Variants in MYO16 observed in about 807,000 individuals in gnomAD.
The protein encoded by MYO16 is unconventional myosin-XVI.
In MYO16, 94 loss-of-function variants were observed where a neutral mutation model predicts 205.3. That is an observed-to-expected ratio of 0.46 (90% CI 0.39 to 0.54). The LOEUF is 0.54. Among genes scored for constraint, MYO16 ranks in the 20% least tolerant of loss-of-function variants. The probability of loss-of-function intolerance (pLI) is 0.00; values close to 1 mark genes in which losing one functional copy is unlikely to be tolerated. For missense variants in MYO16, 2,315 were observed against 2,387.5 expected, an observed-to-expected ratio of 0.97 and a Z score of 0.63; for synonymous variants, 988 against 954.0, an observed-to-expected ratio of 1.04 and a Z score of -0.66.
In MYO16 at chr13:108,841,216, A is replaced by G. The variant is rs543863434; in HGVS notation, c.1098-3127A>G. Among the ~76,000 whole-genome samples the G allele has an allele frequency of 3.3e-5, 5 of 152,354 alleles. No homozygotes were observed. In the South Asian group the frequency reaches 1.0e-3, roughly 32 times the overall value. ...ATGATTACATCAATGAATGATAATG[A>G]ATGATTATATCAATGAAACACACTA... On this transcript the variant is annotated intron_variant, in intron 9 of 34. Coordinates refer to ENST00000457511, the MANE Select transcript of MYO16 (RefSeq NM_001198950.3).
intron 9 of MYO16, among the ~76,000 whole-genome samples, chr13:108,828,477 G>C (rs766929037): frequency 6.6e-6 from 1 of 152,004 alleles, no homozygotes; most frequent in Non-Finnish European, 1.5e-5. Flanking sequence ...GTGTTGTTTT[G>C]TAAAGAATCT....
intron 1 of MYO16, among the ~76,000 whole-genome samples, chr13:108,603,067 T>G (rs1379099804): frequency 6.6e-6 from 1 of 152,130 alleles, no homozygotes; most frequent in African/African-American, 2.4e-5. Flanking sequence ...AAATCTAAAA[T>G]GAATTATGAG....
intron 12 of MYO16, among the ~76,000 whole-genome samples, chr13:108,870,189 T>G (rs905999189): frequency 2.4e-4 from 37 of 152,016 alleles, no homozygotes; most frequent in Non-Finnish European, 4.4e-4. Flanking sequence ...ATATGAATAT[T>G]TTTCTCCTTT....
At chr13:109,128,853 C>G (rs192117852) in intron 31 of MYO16, among the ~76,000 whole-genome samples, 1 of 147,118 alleles carries the variant, frequency 6.8e-6, no homozygotes, top group Non-Finnish European at 1.5e-5. Flanking sequence ...CTCACTGCAA[C>G]CTCCGCCTCT....
intron 34 of MYO16, among the ~76,000 whole-genome samples, chr13:109,186,609 AACACACACACACAC>A (rs112011251): frequency 6.7e-6 from 1 of 149,484 alleles, no homozygotes; most frequent in Non-Finnish European, 1.5e-5. Context: ...TAAGCTTTTC[AACACACACACACAC>A]ACACACACAA....
chr13:108,784,751 C>A (rs1886407138), intron 4 of MYO16, among the ~76,000 whole-genome samples: 1 of 152,128 alleles, frequency 6.6e-6, no homozygotes, highest in African/African-American at 2.4e-5. Flanking sequence ...TTTGTCTGGC[C>A]TGAGTTTAAT....
intron 16 of MYO16, among the ~76,000 whole-genome samples, chr13:108,929,293 A>T (rs1446277064): frequency 6.6e-6 from 1 of 152,238 alleles, no homozygotes; most frequent in African/African-American, 2.4e-5. Context: ...TCCAGAAGGC[A>T]GCATATGCAC....
At chr13:108,786,799 C>A (rs1230445969) in intron 5 of MYO16, among the ~76,000 whole-genome samples, 2 of 152,152 alleles carry the variant, frequency 1.3e-5, no homozygotes, top group Non-Finnish European at 1.5e-5. Flanking sequence ...GGGTCTCAGG[C>A]AGAAGCAAGC....
At chr13:109,023,179 T>C (rs1886156200) in intron 23 of MYO16, among the ~76,000 whole-genome samples, 2 of 127,492 alleles carry the variant, frequency 1.6e-5, no homozygotes, top group Middle Eastern at 0.011. Flanking sequence ...AATTTATGTA[T>C]ATATTTATAT....
chr13:108,775,331 A>G (rs1886090401), intron 4 of MYO16, among the ~76,000 whole-genome samples: 1 of 152,240 alleles, frequency 6.6e-6, no homozygotes, highest in Admixed American at 6.5e-5. Flanking sequence ...GAACATTTTT[A>G]AAAGATATTT....
intron 16 of MYO16, among the ~76,000 whole-genome samples, chr13:108,917,207 C>T (rs1010863002): frequency 9.2e-5 from 14 of 151,894 alleles, no homozygotes; most frequent in Non-Finnish European, 1.0e-4. Flanking sequence ...AAGAGCAACT[C>T]GTCTCTCTGC....
chr13:108,992,552 TTAAAA>T, intron 21 of MYO16, 104 bp downstream of exon 21: 1 of 636,806 alleles, frequency 1.6e-6, no homozygotes, highest in East Asian at 3.0e-5. Flanking sequence ...AAATATGGAA[TTAAAA>T]TAAGTACTCT....
intron 4 of MYO16, among the ~76,000 whole-genome samples, chr13:108,744,370 T>A (rs1884996792): frequency 6.6e-6 from 1 of 152,236 alleles, no homozygotes; most frequent in South Asian, 2.1e-4. Flanking sequence ...CCTCCCTTGT[T>A]TTCAGTCATT....
chr13:109,073,065 A>T (rs1462336721), intron 27 of MYO16, among the ~76,000 whole-genome samples: 1 of 152,062 alleles, frequency 6.6e-6, no homozygotes, highest in Admixed American at 6.6e-5. Context: ...GATTTATGTT[A>T]ATTATTGTTA....
chr13:108,552,010 G>A, the MYO16 span, among the ~76,000 whole-genome samples: 1 of 152,196 alleles, frequency 6.6e-6, no homozygotes, highest in African/African-American at 2.4e-5. Context: ...CTACAGAGCA[G>A]GCTTCAGGCT....
Position 109,009,410 on chromosome 13 carries a change from T to A in MYO16, c.2595+361T>A, listed in dbSNP as rs1040046574. On this transcript the variant is annotated intron_variant, in intron 22 of 34. Transcript: ENST00000457511. ...ACCATAAAACAAGTTCAATGGAATC[T>A]TTTTTGTTAATTTATCTTCAAAGTT... is the stretch of plus-strand genomic sequence containing the variant. Among the ~76,000 whole-genome samples, 4 of 152,204 alleles carry A rather than the reference T, an allele frequency of 2.6e-5. No homozygotes were observed. In the East Asian group the frequency reaches 5.8e-4, roughly 22 times the overall value.
At chr13:108,932,117 A>G (rs1882282422) in intron 16 of MYO16, among the ~76,000 whole-genome samples, 1 of 152,140 alleles carries the variant, frequency 6.6e-6, no homozygotes. Context: ...TTGCATTTTA[A>G]TTTCAATGAC....
intron 2 of MYO16, among the ~76,000 whole-genome samples, chr13:108,706,333 G>A (rs1883509038): frequency 6.6e-6 from 1 of 152,058 alleles, no homozygotes; most frequent in Non-Finnish European, 1.5e-5. Context: ...TTGAGAGAAA[G>A]CAAAGAAAGG....
At chr13:108,580,851 G>A in the MYO16 span, among the ~76,000 whole-genome samples, 1 of 152,150 alleles carries the variant, frequency 6.6e-6, no homozygotes, top group African/African-American at 2.4e-5. Context: ...GTAGCTGCTT[G>A]TTTTGCATAA....
Sources: allele counts gnomAD v4.1 joint callset (sites outside exome capture counted in the v4.1 genomes callset), GRCh38; gene constraint gnomAD v4.1.1; transcripts MANE v1.5; gene names NCBI Gene and HGNC (gene_info 2026-07-23, HGNC 2026-07-21).